The following FRMPD4 variants were observed in gnomAD, a reference collection of about 807,000 sequenced individuals.
FRMPD4 encodes the protein FERM and PDZ domain containing 4, also known as FERM and PDZ domain-containing protein 4.
In FRMPD4, 22 loss-of-function variants were observed where a neutral mutation model predicts 94.1. The observed-to-expected ratio is 0.23, with a 90% confidence interval of 0.17 to 0.33. FRMPD4 has a LOEUF of 0.33. Ranked by LOEUF, FRMPD4 falls within the 10% of genes least tolerant of loss-of-function variation. FRMPD4 has a pLI of 1.00. For missense variants in FRMPD4, 1,111 were observed against 1,339.9 expected (o/e 0.83, Z 2.67); for synonymous variants, 631 against 548.6 (o/e 1.15, Z -2.10).
intron 3 of FRMPD4, among the ~76,000 whole-genome samples, chrX:12,076,137 A>G (rs980016455): frequency 7.2e-5 from 8 of 111,429 alleles, no homozygotes; most frequent in Non-Finnish European, 1.5e-4. Context: ...TCTCAGTTCT[A>G]CTGGAAGTTG....
intron 4 of FRMPD4, among the ~76,000 whole-genome samples, chrX:12,659,566 C>T (rs1294095948): frequency 8.9e-6 from 1 of 112,106 alleles, no homozygotes; most frequent in East Asian, 2.8e-4. Flanking sequence ...ACTGTGACAC[C>T]CATAAATGTC....
intron 3 of FRMPD4, among the ~76,000 whole-genome samples, chrX:11,966,328 C>A (rs770483925): frequency 1.3e-3 from 142 of 110,991 alleles, no homozygotes; most frequent in Non-Finnish European, 2.2e-3. Context: ...AATAAAGGAG[C>A]TTGTTTGCCC....
chrX:12,031,450 T>C (rs999685286), intron 3 of FRMPD4, among the ~76,000 whole-genome samples: 2 of 112,123 alleles, frequency 1.8e-5, no homozygotes, highest in South Asian at 3.7e-4. Context: ...ATGATAAGTA[T>C]AGATGATGAA....
Position 11,948,090 on chromosome X carries a change from C to CA in FRMPD4, c.95+70092dup, listed in dbSNP as rs11367252. ...GGGCAACAAGAGTGAAACTCCATCA[C>CA]AAAAAAAAAAAAAAAAAAAAGTAGC... is the stretch of plus-strand genomic sequence containing the variant. On this transcript the variant is annotated intron_variant, in intron 3 of 18. Coordinates refer to the FRMPD4 transcript ENST00000640291. Among the ~76,000 whole-genome samples, 55 of 56,544 alleles carry CA rather than the reference C, an allele frequency of 9.7e-4. 1 individual carries two copies. Among genetic ancestry groups the CA allele is most frequent in the Middle Eastern group, 8.5e-3 (1 of 118 alleles). The allele number at this position is 56,544 out of a possible 115,157, so 49.1% of individuals were successfully genotyped here. A position where few individuals can be genotyped will look rare whatever the true frequency, so the allele number is the denominator to read the frequency against.
At chrX:12,245,032 C>T (rs1281176114) in intron 1 of FRMPD4, among the ~76,000 whole-genome samples, 1 of 112,635 alleles carries the variant, frequency 8.9e-6, no homozygotes, top group African/African-American at 3.2e-5. Context: ...TGTCAGATTA[C>T]GAGGGTAGAA....
chrX:12,651,981 A>G (rs2059599419), intron 4 of FRMPD4, among the ~76,000 whole-genome samples: 1 of 112,251 alleles, frequency 8.9e-6, no homozygotes. Context: ...AATTTTTCAC[A>G]TCTCAAAAAT....
rs369520015 is a variant in FRMPD4, at chrX:12,633,974, A to C, written c.422+19093A>C. 9.8e-5 allele frequency among the ~76,000 whole-genome samples: 11 copies of C among 112,716 alleles called. No homozygotes were observed. In the East Asian group the frequency reaches 2.2e-3, roughly 23 times the overall value. The stretch of plus-strand genomic sequence containing the variant: ...CTATGTGGTACATATGTTAGACAGA[A>C]AGGTACAAAAAATTTATAAATCTTG... On this transcript the variant is annotated intron_variant, in intron 4 of 16. Transcript: ENST00000675598.
chrX:12,486,218 T>A (rs187277258), intron 1 of FRMPD4, among the ~76,000 whole-genome samples: 46 of 111,627 alleles, frequency 4.1e-4, no homozygotes, highest in Middle Eastern at 4.6e-3. Flanking sequence ...ACTCCTTACC[T>A]GACACTGACC....
At chrX:12,642,589 T>C (rs2059509993) in intron 4 of FRMPD4, among the ~76,000 whole-genome samples, 1 of 112,848 alleles carries the variant, frequency 8.9e-6, no homozygotes, top group Non-Finnish European at 1.9e-5. Flanking sequence ...TACCTGTTTG[T>C]GTAAATCAAG....
intron 1 of FRMPD4, among the ~76,000 whole-genome samples, chrX:12,390,238 G>T (rs1040798671): frequency 8.9e-6 from 1 of 112,235 alleles, no homozygotes; most frequent in Non-Finnish European, 1.9e-5. Flanking sequence ...TGGCATAAAA[G>T]AGAGAGTATG....
At chrX:11,989,270 A>G (rs186616583) in intron 3 of FRMPD4, among the ~76,000 whole-genome samples, 49 of 112,163 alleles carry the variant, frequency 4.4e-4, no homozygotes, top group African/African-American at 1.5e-3. Context: ...AAAATGTGGT[A>G]CACATACACA....
At chrX:11,987,933 G>A (rs992175468) in intron 3 of FRMPD4, among the ~76,000 whole-genome samples, 5 of 111,273 alleles carry the variant, frequency 4.5e-5, no homozygotes, top group African/African-American at 1.6e-4. Flanking sequence ...TTGAAAAATT[G>A]AAGAAGACAC....
upstream of FRMPD4, among the ~76,000 whole-genome samples, chrX:12,137,811 G>C (rs778099529): frequency 3.7e-4 from 41 of 111,893 alleles, no homozygotes; most frequent in African/African-American, 1.3e-3. Flanking sequence ...GCAAGGTTTT[G>C]TTTTGTTTTG....
At chrX:12,091,833 T>G (rs753485914) in intron 3 of FRMPD4, among the ~76,000 whole-genome samples, 3 of 111,583 alleles carry the variant, frequency 2.7e-5, no homozygotes, top group Non-Finnish European at 5.7e-5. Context: ...GTGAGAAACC[T>G]TGGACCAGTT....
intron 3 of FRMPD4, among the ~76,000 whole-genome samples, chrX:12,081,694 C>A (rs1465685742): frequency 9.0e-6 from 1 of 111,491 alleles, no homozygotes; most frequent in African/African-American, 3.3e-5. Context: ...TGGCCATCCA[C>A]CCTTTCAGGA....
intron 1 of FRMPD4, among the ~76,000 whole-genome samples, chrX:12,331,841 A>G (rs1224467585): frequency 8.2e-5 from 4 of 48,993 alleles, no homozygotes; most frequent in Non-Finnish European, 1.2e-4. Context: ...ATATATATTT[A>G]TATACTATAT....
At chrX:12,558,588 T>C (rs780366309) in intron 2 of FRMPD4, among the ~76,000 whole-genome samples, 1 of 112,486 alleles carries the variant, frequency 8.9e-6, no homozygotes, top group East Asian at 2.8e-4. Flanking sequence ...TACAGCATCA[T>C]AGATGTTGAC....
At chrX:12,028,306 T>A (rs931525195) in intron 3 of FRMPD4, among the ~76,000 whole-genome samples, 3 of 112,028 alleles carry the variant, frequency 2.7e-5, no homozygotes, top group African/African-American at 9.7e-5. Context: ...GGATTGTTTG[T>A]TTGTTTGAAT....
chrX:12,374,700 G>A (rs762119304), intron 1 of FRMPD4, among the ~76,000 whole-genome samples: 2 of 111,484 alleles, frequency 1.8e-5, no homozygotes, highest in African/African-American at 6.5e-5. Context: ...GCGCAGGGTC[G>A]GATCCCATCT....
Sources: allele counts gnomAD v4.1 joint callset (sites outside exome capture counted in the v4.1 genomes callset), GRCh38; gene constraint gnomAD v4.1.1; transcripts MANE v1.5; gene names NCBI Gene and HGNC (gene_info 2026-07-23, HGNC 2026-07-21).